The following GALNTL6 variants were observed in gnomAD, a reference collection of about 807,000 sequenced individuals.
The protein encoded by GALNTL6 is polypeptide N-acetylgalactosaminyltransferase like 6, also known as polypeptide N-acetylgalactosaminyltransferase-like 6.
A neutral mutation model predicts 73.7 loss-of-function variants in GALNTL6; 46 were observed. That is an observed-to-expected ratio of 0.62 (90% CI 0.49 to 0.80). The LOEUF (loss-of-function observed/expected upper bound fraction) is 0.80. GALNTL6 is among the 30% of genes least tolerant of loss of function. GALNTL6 has a pLI of 0.00. For missense variants in GALNTL6, 604 were observed against 755.0 expected (o/e 0.80, Z 2.34); for synonymous variants, 259 against 263.7 (o/e 0.98, Z 0.17).
At chr4:172,792,044 G>C (rs1178538097) in intron 5 of GALNTL6, among the ~76,000 whole-genome samples, 2 of 152,190 alleles carry the variant, frequency 1.3e-5, no homozygotes, top group African/African-American at 4.8e-5. Context: ...GACTGGTTTG[G>C]CTGTTCCATG....
At chr4:172,421,979 C>T (rs1731067191) in intron 5 of GALNTL6, among the ~76,000 whole-genome samples, 1 of 152,080 alleles carries the variant, frequency 6.6e-6, no homozygotes, top group Non-Finnish European at 1.5e-5. Context: ...AATTAGATGT[C>T]CTCAAATGCA....
At chr4:172,687,542 C>T (rs1372205149) in intron 5 of GALNTL6, among the ~76,000 whole-genome samples, 3 of 150,524 alleles carry the variant, frequency 2.0e-5, no homozygotes, top group East Asian at 3.9e-4. Context: ...GAAGGAGAAT[C>T]GCTTGAACCC....
At chr4:172,034,450 G>A (rs1280110273) in intron 2 of GALNTL6, among the ~76,000 whole-genome samples, 1 of 144,292 alleles carries the variant, frequency 6.9e-6, no homozygotes, top group Non-Finnish European at 1.5e-5. Context: ...GTGTGTGTGT[G>A]TAGTTTGGGA....
intron 5 of GALNTL6, among the ~76,000 whole-genome samples, chr4:172,775,579 T>C (rs1267805572): frequency 2.0e-5 from 3 of 152,188 alleles, no homozygotes; most frequent in Admixed American, 2.0e-4. Context: ...GATTCTTTTT[T>C]CCCTTAATCT....
chr4:172,514,444 A>C (rs569814566), intron 5 of GALNTL6, among the ~76,000 whole-genome samples: 109 of 152,258 alleles, frequency 7.2e-4, no homozygotes, highest in African/African-American at 2.5e-3. Context: ...CTCCAGCAGC[A>C]CTGAGTTTAT....
chr4:172,692,382 A>C (rs1252444460), intron 5 of GALNTL6, among the ~76,000 whole-genome samples: 1 of 152,122 alleles, frequency 6.6e-6, no homozygotes, highest in African/African-American at 2.4e-5. Context: ...CCAATGCAGA[A>C]AATCTCTTTA....
intron 2 of GALNTL6, among the ~76,000 whole-genome samples, chr4:171,821,791 C>T (rs1353782921): frequency 6.6e-6 from 1 of 151,912 alleles, no homozygotes; most frequent in East Asian, 1.9e-4. Flanking sequence ...AGCAGAGCAA[C>T]GTCACTGGTG....
chr4:172,117,460 C>T (rs980433294), intron 2 of GALNTL6, among the ~76,000 whole-genome samples: 3 of 152,132 alleles, frequency 2.0e-5, no homozygotes, highest in South Asian at 4.1e-4. Flanking sequence ...TAACTCTTCC[C>T]CTATTAGATA....
At chr4:171,814,772 G>C (rs1734477265) in intron 2 of GALNTL6, 54 bp downstream of exon 2, 1 of 1,579,772 alleles carries the variant, frequency 6.3e-7, no homozygotes, top group South Asian at 1.1e-5. Context: ...AGTGATCCTC[G>C]CGCGGGGACT....
intron 7 of GALNTL6, among the ~76,000 whole-genome samples, chr4:172,859,714 T>A (rs560569796): frequency 5.9e-5 from 9 of 152,212 alleles, no homozygotes; most frequent in Admixed American, 2.6e-4. Flanking sequence ...AAAACTTCAT[T>A]TGTATTTACA....
At chr4:173,023,660 C>CT (rs200623000) in intron 12 of GALNTL6, among the ~76,000 whole-genome samples, 12,455 of 151,702 alleles carry the variant, frequency 0.082, 959 homozygotes, top group African/African-American at 0.2. Flanking sequence ...GAAACTCCAT[C>CT]CCAAAAAAAG....
intron 5 of GALNTL6, among the ~76,000 whole-genome samples, chr4:172,413,087 A>G (rs961280353): frequency 2.6e-5 from 4 of 152,212 alleles, no homozygotes; most frequent in Non-Finnish European, 4.4e-5. Flanking sequence ...CTCATTAGCC[A>G]GAAGTGAATC....
chr4:172,593,997 A>G (rs1408727346), intron 5 of GALNTL6, among the ~76,000 whole-genome samples: 3 of 152,166 alleles, frequency 2.0e-5, no homozygotes, highest in African/African-American at 7.2e-5. Context: ...CAAACAGTAT[A>G]TTATGGAACA....
At chr4:172,689,305 C>T (rs976478130) in intron 5 of GALNTL6, among the ~76,000 whole-genome samples, 4 of 152,222 alleles carry the variant, frequency 2.6e-5, no homozygotes, top group Middle Eastern at 3.4e-3. Context: ...AAATACTTCG[C>T]TATTATTTAA....
At chr4:172,602,034 A>T (rs1312487305) in intron 5 of GALNTL6, among the ~76,000 whole-genome samples, 1 of 152,148 alleles carries the variant, frequency 6.6e-6, no homozygotes, top group Non-Finnish European at 1.5e-5. Context: ...AGAAAAAACC[A>T]ATACTGAAGA....
intron 2 of GALNTL6, among the ~76,000 whole-genome samples, chr4:171,986,951 C>T (rs1740114516): frequency 6.6e-6 from 1 of 152,064 alleles, no homozygotes. Context: ...TGTAAACCGG[C>T]AGTGTAAACA....
intron 7 of GALNTL6, among the ~76,000 whole-genome samples, chr4:172,850,527 T>C (rs1346918302): frequency 6.6e-6 from 1 of 152,156 alleles, no homozygotes; most frequent in Non-Finnish European, 1.5e-5. Flanking sequence ...GTCACTAAAA[T>C]ATACGGGAAT....
chr4:171,824,148 A>AT (rs1027429207), intron 2 of GALNTL6, among the ~76,000 whole-genome samples: 8 of 148,154 alleles, frequency 5.4e-5, no homozygotes, highest in Admixed American at 2.0e-4. Flanking sequence ...ATGCAAAGAG[A>AT]TTTTAAAAAG....
At chr4:172,491,574 G>A (rs1733894526) in intron 5 of GALNTL6, among the ~76,000 whole-genome samples, 1 of 152,056 alleles carries the variant, frequency 6.6e-6, no homozygotes, top group South Asian at 2.1e-4. Context: ...ACTCTCTTGA[G>A]TATGAAGTTT....
Sources: gnomAD v4.1 joint callset for allele counts (sites outside exome capture counted in the v4.1 genomes callset) on GRCh38, gnomAD v4.1.1 for gene constraint, MANE v1.5 for transcripts, NCBI Gene and HGNC (gene_info 2026-07-23, HGNC 2026-07-21) for gene names.